RBMS3: variants seen among roughly 807,000 people sequenced by gnomAD.
RBMS3 encodes the protein RNA-binding motif, single-stranded-interacting protein 3.
Under a neutral mutation model 66.8 loss-of-function variants are expected in RBMS3, and 27 were observed. That is an observed-to-expected ratio of 0.40 (90% CI 0.30 to 0.56). RBMS3 has a LOEUF of 0.56. RBMS3 is among the 20% of genes least tolerant of loss of function. The probability of loss-of-function intolerance (pLI) is 0.40; values close to 1 mark genes in which losing one functional copy is unlikely to be tolerated. For synonymous variants in RBMS3, 188 were observed against 183.0 expected, an observed-to-expected ratio of 1.03 and a Z score of -0.22; for missense variants, 513 against 549.5, an observed-to-expected ratio of 0.93 and a Z score of 0.66.
chr3:29,337,587 T>C (rs1039681545), intron 1 of RBMS3, among the ~76,000 whole-genome samples: 1 of 151,972 alleles, frequency 6.6e-6, no homozygotes. Context: ...TTGAGGGAAC[T>C]GTGGGCTATG....
intron 6 of RBMS3, among the ~76,000 whole-genome samples, chr3:29,862,713 G>A (rs75767332): frequency 1.3e-5 from 2 of 151,872 alleles, no homozygotes; most frequent in African/African-American, 2.4e-5. Context: ...GTGTGGCGGC[G>A]TGTGCCTATA....
At chr3:29,326,733 C>CTTTTT (rs56162153) in intron 1 of RBMS3, among the ~76,000 whole-genome samples, 4 of 133,794 alleles carry the variant, frequency 3.0e-5, no homozygotes, top group South Asian at 2.4e-4. Context: ...TACTGGCATC[C>CTTTTT]TTTTTTTTTT....
chr3:29,687,591 A>C (rs570307175), intron 4 of RBMS3, among the ~76,000 whole-genome samples: 32 of 152,236 alleles, frequency 2.1e-4, no homozygotes, highest in Non-Finnish European at 3.2e-4. Context: ...TATTTTGAGA[A>C]ATGAATGATA....
intron 6 of RBMS3, among the ~76,000 whole-genome samples, chr3:29,786,112 A>C (rs66895050): frequency 1.2e-4 from 17 of 145,712 alleles, no homozygotes; most frequent in Admixed American, 1.2e-3. Flanking sequence ...AAAAAAAAAA[A>C]AACTTAGAAA....
At chr3:29,962,232 C>T (rs1696513307) in intron 12 of RBMS3, among the ~76,000 whole-genome samples, 1 of 150,694 alleles carries the variant, frequency 6.6e-6, no homozygotes, top group African/African-American at 2.4e-5. Flanking sequence ...TGAGTTTATC[C>T]AGTACAATAA....
intron 5 of RBMS3, among the ~76,000 whole-genome samples, chr3:29,762,178 A>G (rs1183646651): frequency 6.6e-6 from 1 of 152,178 alleles, no homozygotes; most frequent in South Asian, 2.1e-4. Flanking sequence ...ATAAGATAGT[A>G]TGAAAAAATA....
At chr3:29,484,981 C>T (rs181811784) in intron 2 of RBMS3, among the ~76,000 whole-genome samples, 175 of 152,258 alleles carry the variant, frequency 1.1e-3, no homozygotes, top group Middle Eastern at 6.8e-3. Flanking sequence ...AATTAATATA[C>T]ACAGTGGGTG....
At chr3:29,624,749 G>A (rs539752715) in intron 4 of RBMS3, among the ~76,000 whole-genome samples, 1 of 152,132 alleles carries the variant, frequency 6.6e-6, no homozygotes, top group African/African-American at 2.4e-5. Flanking sequence ...CATATTCTTT[G>A]TTTCCCAAAG....
chr3:29,898,669 G>A (rs2060182225), intron 9 of RBMS3, among the ~76,000 whole-genome samples: 1 of 151,364 alleles, frequency 6.6e-6, no homozygotes, highest in Non-Finnish European at 1.5e-5. Flanking sequence ...CCTTTCCTTG[G>A]CATGAGGCTA....
intron 6 of RBMS3, among the ~76,000 whole-genome samples, chr3:29,867,166 A>G (rs1387097426): frequency 6.6e-6 from 1 of 152,032 alleles, no homozygotes; most frequent in Non-Finnish European, 1.5e-5. Flanking sequence ...TTGATTTTGG[A>G]AACAATTTTG....
intron 3 of RBMS3, among the ~76,000 whole-genome samples, chr3:29,541,861 G>A (rs2149012923): frequency 6.6e-6 from 1 of 151,696 alleles, no homozygotes. Context: ...TGTCTCCTCT[G>A]CTTCAATGCC....
chr3:29,885,953 GA>G (rs2059859259), intron 8 of RBMS3, among the ~76,000 whole-genome samples: 1 of 151,776 alleles, frequency 6.6e-6, no homozygotes, highest in Non-Finnish European at 1.5e-5. Flanking sequence ...GTTAAGGATA[GA>G]AATAAAATAA....
At chr3:29,335,153 A>G (rs1329167306) in intron 1 of RBMS3, among the ~76,000 whole-genome samples, 3 of 152,016 alleles carry the variant, frequency 2.0e-5, no homozygotes, top group Non-Finnish European at 4.4e-5. Flanking sequence ...ATTAGACTGC[A>G]CTGTCAGTGT....
chr3:29,675,024 A>C (rs6803013), intron 4 of RBMS3, among the ~76,000 whole-genome samples: 11,944 of 152,134 alleles, frequency 0.079, 834 homozygotes, highest in African/African-American at 0.18. Context: ...CTACAGTAAC[A>C]AAAACAGCAT....
At chr3:29,429,685 C>T (rs979620159) in intron 1 of RBMS3, among the ~76,000 whole-genome samples, 1 of 152,178 alleles carries the variant, frequency 6.6e-6, no homozygotes, top group Non-Finnish European at 1.5e-5. Flanking sequence ...GTACTCTCTC[C>T]TCCTAAATAG....
intron 5 of RBMS3, 92 bp from the exon 6 acceptor site, chr3:29,762,818 A>T: frequency 1.1e-6 from 1 of 877,730 alleles, no homozygotes; most frequent in Non-Finnish European, 1.8e-6. Context: ...TCTCAAATCA[A>T]GTATTTCTAT....
chr3:29,311,491 T>C (rs976808828), intron 1 of RBMS3, among the ~76,000 whole-genome samples: 3 of 151,774 alleles, frequency 2.0e-5, no homozygotes, highest in Admixed American at 2.0e-4. Context: ...CACTACAATA[T>C]GCAAGCCACC....
intron 5 of RBMS3, among the ~76,000 whole-genome samples, chr3:29,742,461 C>A (rs1380056337): frequency 6.6e-6 from 1 of 152,200 alleles, no homozygotes; most frequent in Non-Finnish European, 1.5e-5. Flanking sequence ...TGTTCAGGCA[C>A]AAGCTGCCCT....
At chr3:29,524,415 A>ATTTTTTTTTTTTTTTTTTTTTTTTT (rs1222102515) in intron 3 of RBMS3, among the ~76,000 whole-genome samples, 1 of 57,074 alleles carries the variant, frequency 1.8e-5, no homozygotes, top group Non-Finnish European at 3.1e-5. Context: ...CTCCCTTTAC[A>ATTTTTTTTTTTTTTTTTTTTTTTTT]TTTTTTTTTT....
Sources: gnomAD v4.1 joint callset for allele counts (sites outside exome capture counted in the v4.1 genomes callset) on GRCh38, gnomAD v4.1.1 for gene constraint, MANE v1.5 for transcripts, NCBI Gene and HGNC (gene_info 2026-07-23, HGNC 2026-07-21) for gene names.